The following CNTN5 variants were observed in gnomAD, a reference collection of about 807,000 sequenced individuals.
CNTN5 encodes the protein contactin-5.
A neutral mutation model predicts 129.1 loss-of-function variants in CNTN5; 77 were observed. The ratio of observed to expected loss-of-function variants is 0.60; its 90% CI spans 0.50 to 0.72. The LOEUF (loss-of-function observed/expected upper bound fraction) is 0.72. Among genes scored for constraint, CNTN5 ranks in the 30% least tolerant of loss-of-function variants. The pLI is 0.00. For synonymous variants in CNTN5, 509 were observed against 465.6 expected, an observed-to-expected ratio of 1.09 and a Z score of -1.20; for missense variants, 1,478 against 1,328.8, an observed-to-expected ratio of 1.11 and a Z score of -1.75.
At chr11:99,295,882 C>CAG (rs1864364157) in intron 1 of CNTN5, among the ~76,000 whole-genome samples, 2 of 51,024 alleles carry the variant, frequency 3.9e-5, no homozygotes, top group Non-Finnish European at 4.0e-5. Context: ...GACTCCGTCT[C>CAG]AAAAAAAAAA....
chr11:100,189,853 T>C (rs937400125), intron 13 of CNTN5, among the ~76,000 whole-genome samples: 6 of 152,172 alleles, frequency 3.9e-5, no homozygotes, highest in African/African-American at 1.4e-4. Flanking sequence ...AGTTTGACTT[T>C]TTTTCTAAAT....
intron 1 of CNTN5, among the ~76,000 whole-genome samples, chr11:99,313,764 T>A (rs1180797730): frequency 6.6e-6 from 1 of 152,084 alleles, no homozygotes; most frequent in Non-Finnish European, 1.5e-5. Flanking sequence ...TCTATAATAA[T>A]CAAAACAACT....
At chr11:100,013,142 A>T (rs542976150) in intron 9 of CNTN5, among the ~76,000 whole-genome samples, 3 of 152,150 alleles carry the variant, frequency 2.0e-5, no homozygotes, top group African/African-American at 7.2e-5. Context: ...TAATGTGTAC[A>T]CATGGGCATA....
chr11:100,099,298 T>C (rs1945134061), intron 13 of CNTN5, among the ~76,000 whole-genome samples: 1 of 139,860 alleles, frequency 7.2e-6, no homozygotes, highest in African/African-American at 2.5e-5. Flanking sequence ...ACATCCCACA[T>C]TTCAGGCAAA....
Position 99,845,109 on chromosome 11 carries a change from A to G in CNTN5, c.424A>G (p.Ile142Val). The change falls in exon 6 of 25, where the codon ATA becomes GTA. Residue 142 changes from isoleucine (I) to valine (V), a missense_variant. By Grantham distance (29) the Ile-to-Val change is conservative. Coordinates refer to ENST00000524871, the MANE Select transcript of CNTN5 (RefSeq NM_014361.4). ...SYRWLRNGTEIDLESDYRYSL... is the reference protein window; with the variant it reads ...SYRWLRNGTEVDLESDYRYSL... ...AAGATGGCTTCGAAATGGAACAGAAATAGATCTGGAAAGTGATTATCGCTA... is the reference window on the plus strand; with the variant it reads ...AAGATGGCTTCGAAATGGAACAGAAGTAGATCTGGAAAGTGATTATCGCTA... The G allele has an allele frequency of 6.2e-7, 1 of 1,613,674 alleles. No individual in the cohort carries two copies. Among genetic ancestry groups the G allele is most frequent in the African/African-American group, 1.3e-5 (1 of 75,030 alleles).
At chr11:100,233,361 G>C (rs1164898053) in intron 16 of CNTN5, among the ~76,000 whole-genome samples, 2 of 152,164 alleles carry the variant, frequency 1.3e-5, no homozygotes, top group Non-Finnish European at 2.9e-5. Flanking sequence ...AGGAGTCAGA[G>C]AATTTCTATC....
chr11:99,036,276 T>C (rs1206153322), intron 1 of CNTN5, among the ~76,000 whole-genome samples: 1 of 152,172 alleles, frequency 6.6e-6, no homozygotes, highest in Non-Finnish European at 1.5e-5. Flanking sequence ...TTAGACATTA[T>C]ATATGGTCCA....
intron 13 of CNTN5, among the ~76,000 whole-genome samples, chr11:100,117,368 A>G (rs1002227968): frequency 1.3e-5 from 2 of 151,976 alleles, no homozygotes; most frequent in Non-Finnish European, 2.9e-5. Context: ...GCTCTTTCCA[A>G]CTGCCACTTG....
At chr11:100,046,703 T>C (rs2137713706) in intron 9 of CNTN5, among the ~76,000 whole-genome samples, 1 of 152,258 alleles carries the variant, frequency 6.6e-6, no homozygotes, top group South Asian at 2.1e-4. Context: ...TTTTCCCCTA[T>C]TAAAACAATT....
intron 9 of CNTN5, among the ~76,000 whole-genome samples, chr11:100,034,841 T>C (rs1941897553): frequency 6.6e-6 from 1 of 152,220 alleles, no homozygotes; most frequent in Non-Finnish European, 1.5e-5. Flanking sequence ...ACGTTTTCAG[T>C]AACTTTCAGG....
At chr11:99,963,701 A>C (rs12288665) in intron 8 of CNTN5, among the ~76,000 whole-genome samples, 3,136 of 152,260 alleles carry the variant, frequency 0.021, 112 homozygotes, top group African/African-American at 0.07. Context: ...GAAGAAAGTA[A>C]TTAGTAGCTT....
chr11:99,530,058 T>C (rs1947636280), intron 2 of CNTN5, among the ~76,000 whole-genome samples: 1 of 152,182 alleles, frequency 6.6e-6, no homozygotes, highest in African/African-American at 2.4e-5. Flanking sequence ...TTGGTACTTG[T>C]TAGTCTTTAC....
intron 8 of CNTN5, among the ~76,000 whole-genome samples, chr11:99,990,483 CAT>C (rs1565761673): frequency 6.0e-5 from 9 of 151,222 alleles, no homozygotes; most frequent in South Asian, 2.1e-4. Flanking sequence ...CACACACACA[CAT>C]ACATACTAGT....
intron 13 of CNTN5, among the ~76,000 whole-genome samples, chr11:100,134,133 T>A (rs1565273491): frequency 2.6e-5 from 4 of 152,180 alleles, no homozygotes; most frequent in African/African-American, 9.6e-5. Context: ...GAAATATGTC[T>A]TCTGCAGGAG....
intron 1 of CNTN5, among the ~76,000 whole-genome samples, chr11:99,236,275 C>T (rs1861255193): frequency 6.6e-6 from 1 of 151,996 alleles, no homozygotes; most frequent in Non-Finnish European, 1.5e-5. Context: ...TTCTTCCTTC[C>T]TTATCTCCTT....
At chr11:100,208,891 C>G (rs905048425) in intron 15 of CNTN5, among the ~76,000 whole-genome samples, 45 of 152,274 alleles carry the variant, frequency 3.0e-4, no homozygotes, top group Middle Eastern at 3.4e-3. Context: ...TGTCAGCGAT[C>G]AGGTCAACTG....
At chr11:99,486,692 C>G (rs1945828744) in intron 2 of CNTN5, among the ~76,000 whole-genome samples, 1 of 152,084 alleles carries the variant, frequency 6.6e-6, no homozygotes, top group South Asian at 2.1e-4. Context: ...CTATTTCTTT[C>G]AAATGCAAAA....
intron 3 of CNTN5, among the ~76,000 whole-genome samples, chr11:99,737,066 G>A (rs575930363): frequency 2.0e-5 from 3 of 151,992 alleles, no homozygotes; most frequent in Non-Finnish European, 2.9e-5. Context: ...TAGTCTCCAC[G>A]TTTTGCCCTC....
intron 9 of CNTN5, among the ~76,000 whole-genome samples, chr11:100,012,053 A>G (rs1649681689): frequency 6.6e-6 from 1 of 152,172 alleles, no homozygotes; most frequent in South Asian, 2.1e-4. Flanking sequence ...TGTCTATCAA[A>G]CTAAAATCAA....
Sources: allele counts gnomAD v4.1 joint callset (sites outside exome capture counted in the v4.1 genomes callset), GRCh38; gene constraint gnomAD v4.1.1; transcripts MANE v1.5; gene names NCBI Gene and HGNC (gene_info 2026-07-23, HGNC 2026-07-21).